NCKAP1L: variants seen among roughly 807,000 people sequenced by gnomAD.
The protein encoded by NCKAP1L is NCK associated protein 1 like.
Under a neutral mutation model 139.2 loss-of-function variants are expected in NCKAP1L, and 53 were observed. The observed-to-expected ratio is 0.38, with a 90% confidence interval of 0.31 to 0.48. The LOEUF (loss-of-function observed/expected upper bound fraction) is 0.48, where lower values mean the gene tolerates loss of function less well. Ranked by LOEUF, NCKAP1L falls within the 20% of genes least tolerant of loss-of-function variation. The pLI, the probability that NCKAP1L is intolerant of heterozygous loss-of-function variation, is 0.98. For missense variants in NCKAP1L, 1,151 were observed against 1,381.9 expected (o/e 0.83, Z 2.65); for synonymous variants, 468 against 499.7 (o/e 0.94, Z 0.85).
chr12:54,530,987 C>T (rs544054951), intron 22 of NCKAP1L, among the ~76,000 whole-genome samples: 4 of 152,036 alleles, frequency 2.6e-5, no homozygotes, highest in Non-Finnish European at 4.4e-5. Flanking sequence ...TAAAGGAACA[C>T]GGGAAAGTAT....
rs765882869 is a variant in NCKAP1L, at chr12:54,508,502, T to C, written c.477T>C (p.Asn159=). The change falls in exon 5 of 31, where the codon AAT becomes AAC. Residue 159 remains asparagine (N), a synonymous_variant. Coordinates refer to ENST00000293373, the MANE Select transcript of NCKAP1L (RefSeq NM_005337.5). ...GGCGGATACTCATTGGCATGTACAA[T>C]TGTGCCCATGAGATGCTGCATGGGC... ...EDRRILIGMY[N]CAHEMLHGHG... is the part of the protein sequence containing the mutation. 2 of 1,614,144 alleles carry C rather than the reference T, an allele frequency of 1.2e-6. No homozygotes were observed. The highest frequency in any genetic ancestry group is 1.7e-5 in the Admixed American group (1 of 60,016).
At chr12:54,498,989 G>A (rs575537476) in intron 1 of NCKAP1L, among the ~76,000 whole-genome samples, 3 of 150,544 alleles carry the variant, frequency 2.0e-5, no homozygotes, top group Non-Finnish European at 2.9e-5. Context: ...GCAGTGGCAC[G>A]ATCTTGGCTC....
At chr12:54,525,823 GA>G (rs1401792291) in intron 20 of NCKAP1L, among the ~76,000 whole-genome samples, 2 of 152,012 alleles carry the variant, frequency 1.3e-5, no homozygotes, top group African/African-American at 2.4e-5. Context: ...TTTTAACAAG[GA>G]AAAAAGTCCT....
chr12:54,509,674 C>T lies in NCKAP1L; in HGVS notation c.512C>T (p.Pro171Leu). 1 of 1,613,544 alleles carries T rather than the reference C, an allele frequency of 6.2e-7. No homozygotes were observed. Among genetic ancestry groups the T allele is most frequent in the Admixed American group, 1.7e-5 (1 of 60,014 alleles). The change falls in exon 6 of 31, where the codon CCC becomes CTC. Residue 171 changes from proline (P) to leucine (L), a missense_variant. By Grantham distance (98) the Pro-to-Leu change is moderately conservative. Transcript: ENST00000293373. ...TCTCCTCTGCTTTCTTCTAGTGACC[C>T]CAGTTTTGCCCGTCTGGGTCAGATG... ...AHEMLHGHGD[P>L]SFARLGQMVL...
intron 16 of NCKAP1L, among the ~76,000 whole-genome samples, chr12:54,519,977 A>C (rs947000528): frequency 6.6e-6 from 1 of 151,914 alleles, no homozygotes; most frequent in Non-Finnish European, 1.5e-5. Flanking sequence ...AGAGGCCTAG[A>C]GAATAGGGAC....
At chr12:54,526,879 G>C (rs12367451) in intron 21 of NCKAP1L, 133 bp downstream of exon 21, 201,438 of 705,264 alleles carry the variant, frequency 0.29, 33,077 homozygotes, top group African/African-American at 0.54. Flanking sequence ...GCTTCTCCTT[G>C]AGGAATGGAG....
intron 20 of NCKAP1L, among the ~76,000 whole-genome samples, chr12:54,525,587 A>G (rs1467555273): frequency 6.6e-6 from 1 of 152,108 alleles, no homozygotes; most frequent in African/African-American, 2.4e-5. Flanking sequence ...CCAAAGCCCT[A>G]AGGTTGGCCT....
chr12:54,532,565 A>T (rs1035586503), intron 26 of NCKAP1L, among the ~76,000 whole-genome samples: 3 of 152,082 alleles, frequency 2.0e-5, no homozygotes, highest in African/African-American at 7.2e-5. Context: ...AATTAGATAA[A>T]CTATGTGCAA....
Position 54,531,347 on chromosome 12 carries a change from T to C in NCKAP1L, c.2594T>C (p.Val865Ala), listed in dbSNP as rs1340103630. 6.2e-7 allele frequency: 1 copy of C among 1,614,008 alleles called. No homozygotes were observed. Among genetic ancestry groups the C allele is most frequent in the Admixed American group, 1.7e-5 (1 of 60,006 alleles). Residue 865 changes from valine (V) to alanine (A), a missense_variant, in exon 23 of 31, where the codon GTG (valine) becomes GCG (alanine). Val to Ala is a moderately conservative substitution (Grantham distance 64). Coordinates refer to ENST00000293373, the MANE Select transcript of NCKAP1L (RefSeq NM_005337.5). ...NLMWHVTSQI[V>A]ELKKLVVENM... ...ATGTGGCATGTGACCTCTCAGATTG[T>C]GGAGCTGAAGGTACTATGGAAACAA...
rs199795735 is a variant in NCKAP1L at position 54,507,909 on chromosome 12, C to T, written c.363C>T (p.Ile121=). The change falls in exon 4 of 31, where the codon ATC becomes ATT. Residue 121 remains isoleucine, a splice_region_variant and synonymous_variant. Coordinates refer to ENST00000293373, the MANE Select transcript of NCKAP1L (RefSeq NM_005337.5). ...ATGCCTGCCAGTGCCATTTTGATAT[C>T]GTAAGAACCTTTGCAATTCTCTTCT... ...TIDACQCHFD[I]NLNFDFTRSY... The T allele has an allele frequency of 2.9e-4, 467 of 1,613,604 alleles. No homozygotes were observed. Among genetic ancestry groups the T allele is most frequent in the Non-Finnish European group, 3.6e-4 (419 of 1,179,590 alleles).
chr12:54,507,507 G>T (rs970186488), intron 3 of NCKAP1L, among the ~76,000 whole-genome samples: 1 of 152,172 alleles, frequency 6.6e-6, no homozygotes, highest in African/African-American at 2.4e-5. Context: ...AATACGAATC[G>T]TTTGATTTTT....
chr12:54,521,357 C>A, intron 18 of NCKAP1L, 119 bp downstream of exon 18: 1 of 1,382,742 alleles, frequency 7.2e-7, no homozygotes, highest in Non-Finnish European at 9.9e-7. Context: ...TGAAGTAGGG[C>A]TAGGGCCTTT....
intron 29 of NCKAP1L, 141 bp downstream of exon 29, chr12:54,537,194 C>T: frequency 1.8e-6 from 1 of 553,940 alleles, no homozygotes; most frequent in Non-Finnish European, 3.2e-6. Flanking sequence ...TGAGAAGCTA[C>T]TATGTGAAAG....
chr12:54,518,689 G>T lies in NCKAP1L; in HGVS notation c.1377G>T (p.Met459Ile). 6.2e-7 allele frequency: 1 copy of T among 1,614,058 alleles called. No individual in the cohort carries two copies. Among genetic ancestry groups the T allele is most frequent in the South Asian group, 1.1e-5 (1 of 91,080 alleles). ...GTCCAGAGGAGGAGTCCATCATCAT[G>T]TCCTCATTCGTCAGTATCCTCTCCT... ...SVCPEEESII[M>I]SSFVSILSSL... The change falls in exon 14 of 31, where the codon ATG (methionine) becomes ATT (isoleucine). Residue 459 changes from methionine to isoleucine, a missense_variant. Met to Ile is a conservative substitution (Grantham distance 10). Coordinates refer to ENST00000293373, the MANE Select transcript of NCKAP1L (RefSeq NM_005337.5).
At chr12:54,502,904 A>T (rs949557785) in intron 3 of NCKAP1L, among the ~76,000 whole-genome samples, 4 of 149,728 alleles carry the variant, frequency 2.7e-5, no homozygotes, top group Non-Finnish European at 5.9e-5. Context: ...AGGCTGAGGC[A>T]GGAGGATCAC....
intron 1 of NCKAP1L, 145 bp from the exon 2 acceptor site, chr12:54,499,210 C>T (rs562777540): frequency 3.4e-5 from 19 of 559,422 alleles, no homozygotes; most frequent in South Asian, 1.9e-4. Context: ...AGGTGTGAGC[C>T]GCTGCGCCCA....
At chr12:54,516,759 T>A (rs1956935120) in intron 10 of NCKAP1L, 137 bp from the exon 11 acceptor site, 1 of 736,500 alleles carries the variant, frequency 1.4e-6, no homozygotes, top group South Asian at 1.8e-5. Flanking sequence ...TTTTCTTTTT[T>A]AAACCAAGTC....
chr12:54,538,529 G>A (rs969828306), intron 29 of NCKAP1L, among the ~76,000 whole-genome samples: 1 of 152,210 alleles, frequency 6.6e-6, no homozygotes, highest in Non-Finnish European at 1.5e-5. Flanking sequence ...TAGGGAGTCA[G>A]CCATAAACAG....
chr12:54,528,295 C>A lies in NCKAP1L; in HGVS notation c.2424C>A (p.Leu808=). 1.9e-6 allele frequency: 3 copies of A among 1,614,044 alleles called. No individual in the cohort carries two copies. The highest frequency in any genetic ancestry group is 2.5e-6 in the Non-Finnish European group (3 of 1,179,958). Residue 808 remains leucine, a synonymous_variant, in exon 22 of 31, where the codon CTC becomes CTA. Coordinates refer to ENST00000293373, the MANE Select transcript of NCKAP1L (RefSeq NM_005337.5). ...AGGCAAGCAGTGGGACCATCATCCT[C>A]TCCCCAGCCATGCAGGCCTTCGTCA... ...LRQASSGTII[L]SPAMQAFVSL... is the part of the protein sequence containing the mutation.
Sources: allele counts gnomAD v4.1 joint callset (sites outside exome capture counted in the v4.1 genomes callset), GRCh38; gene constraint gnomAD v4.1.1; transcripts MANE v1.5; gene names NCBI Gene and HGNC (gene_info 2026-07-23, HGNC 2026-07-21).